The following CFAP47 variants were observed in gnomAD, a reference collection of about 807,000 sequenced individuals.
The protein encoded by CFAP47 is cilia and flagella associated protein 47.
A neutral mutation model predicts 148.1 loss-of-function variants in CFAP47; 29 were observed. The ratio of observed to expected loss-of-function variants is 0.20; its 90% CI spans 0.15 to 0.27. The LOEUF is 0.27. Among genes scored for constraint, CFAP47 ranks in the 10% least tolerant of loss-of-function variants. The probability of loss-of-function intolerance (pLI) is 1.00; values close to 1 mark genes in which losing one functional copy is unlikely to be tolerated. For synonymous variants in CFAP47, 664 were observed against 577.3 expected (o/e 1.15, Z -2.15); for missense variants, 1,872 against 1,697.5 (o/e 1.10, Z -1.81).
intron 30 of CFAP47, among the ~76,000 whole-genome samples, chrX:36,098,278 C>A (rs1009579481): frequency 1.8e-5 from 2 of 111,911 alleles, no homozygotes; most frequent in African/African-American, 6.5e-5. Flanking sequence ...TCTGAAAGGT[C>A]ATGTATCTCT....
At chrX:36,005,597 T>C (rs772654229) in intron 21 of CFAP47, among the ~76,000 whole-genome samples, 1 of 112,065 alleles carries the variant, frequency 8.9e-6, no homozygotes, top group East Asian at 2.8e-4. Flanking sequence ...ACACTCTATG[T>C]AGGTTATTTA....
At chrX:36,344,394 C>A (rs1371800181) in intron 57 of CFAP47, among the ~76,000 whole-genome samples, 7 of 109,640 alleles carry the variant, frequency 6.4e-5, no homozygotes, top group Non-Finnish European at 1.3e-4. Flanking sequence ...TCAGTGATTT[C>A]TTGGAAGTTA....
intron 61 of CFAP47, among the ~76,000 whole-genome samples, chrX:36,366,243 C>T (rs1941874756): frequency 8.9e-6 from 1 of 111,761 alleles, no homozygotes; most frequent in African/African-American, 3.2e-5. Context: ...CACACTGTTA[C>T]ATGTTTGAAT....
chrX:36,247,828 T>G (rs1373332202), intron 48 of CFAP47, among the ~76,000 whole-genome samples: 3 of 111,333 alleles, frequency 2.7e-5, no homozygotes, highest in African/African-American at 9.7e-5. Flanking sequence ...TATATATAAA[T>G]TGTCTAAACA....
chrX:35,958,450 T>C (rs960018232), intron 8 of CFAP47, among the ~76,000 whole-genome samples: 57 of 111,740 alleles, frequency 5.1e-4, no homozygotes, highest in African/African-American at 1.8e-3. Flanking sequence ...TAAGAAACTG[T>C]CATACTATTT....
At chrX:35,957,710 T>C (rs1936267179) in intron 8 of CFAP47, among the ~76,000 whole-genome samples, 1 of 112,163 alleles carries the variant, frequency 8.9e-6, no homozygotes, top group South Asian at 3.7e-4. Flanking sequence ...CTCCCCAATA[T>C]TATTTTTAAC....
intron 8 of CFAP47, among the ~76,000 whole-genome samples, chrX:35,960,387 A>G (rs1301879845): frequency 1.0e-5 from 1 of 97,835 alleles, no homozygotes; most frequent in African/African-American, 4.0e-5. Flanking sequence ...TCTGAAAAAA[A>G]AAAAAAAAAA....
intron 13 of CFAP47, among the ~76,000 whole-genome samples, chrX:35,974,456 T>C (rs923982210): frequency 3.6e-5 from 4 of 111,107 alleles, no homozygotes; most frequent in Non-Finnish European, 7.6e-5. Flanking sequence ...CAAAGGATGA[T>C]TGATTGGGCT....
intron 61 of CFAP47, among the ~76,000 whole-genome samples, chrX:36,364,929 TATATATATATATATAC>T (rs1941860907): frequency 1.5e-5 from 1 of 67,541 alleles, no homozygotes; most frequent in African/African-American, 9.8e-5. Context: ...TATATATATA[TATATATATATATATAC>T]ACACACACAC....
intron 3 of CFAP47, among the ~76,000 whole-genome samples, chrX:35,942,220 CTGTT>C (rs767453798): frequency 9.0e-6 from 1 of 111,643 alleles, no homozygotes; most frequent in South Asian, 3.7e-4. Context: ...CTATCTGAGA[CTGTT>C]TGTTGAATAT....
At chrX:36,256,515 T>C (rs1940754389) in intron 49 of CFAP47, among the ~76,000 whole-genome samples, 1 of 111,983 alleles carries the variant, frequency 8.9e-6, no homozygotes, top group African/African-American at 3.2e-5. Flanking sequence ...TCTTTAATAA[T>C]CTACATAGAC....
chrX:36,337,794 T>A (rs1893324762), intron 57 of CFAP47, among the ~76,000 whole-genome samples: 1 of 109,215 alleles, frequency 9.2e-6, no homozygotes, highest in African/African-American at 3.3e-5. Context: ...ACCAGTTTAC[T>A]GAATCCCATA....
At chrX:35,923,536 G>A (rs1935611081) in intron 1 of CFAP47, among the ~76,000 whole-genome samples, 2 of 110,985 alleles carry the variant, frequency 1.8e-5, no homozygotes, top group African/African-American at 6.6e-5. Context: ...ATATACATAT[G>A]AGGGCTGGGC....
intron 26 of CFAP47, among the ~76,000 whole-genome samples, chrX:36,060,832 C>G (rs1200700391): frequency 9.0e-6 from 1 of 111,649 alleles, no homozygotes; most frequent in Admixed American, 9.6e-5. Flanking sequence ...TTGCAATGCC[C>G]AGAAGAGCAG....
chrX:36,281,949 T>C (rs1285609229), intron 50 of CFAP47, among the ~76,000 whole-genome samples: 1 of 111,350 alleles, frequency 9.0e-6, no homozygotes, highest in African/African-American at 3.3e-5. Flanking sequence ...GAGACTAGCA[T>C]TGGATGACTG....
chrX:36,046,030 A>G (rs991139584), intron 25 of CFAP47, among the ~76,000 whole-genome samples: 2 of 111,633 alleles, frequency 1.8e-5, no homozygotes, highest in African/African-American at 3.2e-5. Flanking sequence ...ATTACTTTCC[A>G]TGTTTTTATT....
intron 46 of CFAP47, among the ~76,000 whole-genome samples, chrX:36,232,474 T>C (rs1326439500): frequency 7.1e-5 from 8 of 111,892 alleles, no homozygotes; most frequent in Non-Finnish European, 1.5e-4. Flanking sequence ...CTTTATCATT[T>C]TTTATTGCGT....
intron 33 of CFAP47, among the ~76,000 whole-genome samples, chrX:36,115,558 G>C (rs1454158425): frequency 9.0e-6 from 1 of 111,511 alleles, no homozygotes; most frequent in East Asian, 2.8e-4. Flanking sequence ...TCAAGCACTG[G>C]GACCTTCCAG....
chrX:36,179,390 G>A lies in CFAP47; in HGVS notation c.6072G>A (p.Lys2024=). ...CAACATTTGTCTCTTCGCCAACGAA[G>A]TTAACTGAATCCAGGCAATACCCGA... ...ESSTFVSSPT[K]LTESRQYPKH... is the part of the protein sequence containing the mutation. Residue 2024 remains lysine, a synonymous_variant, in exon 40 of 64, where the codon AAG becomes AAA. Coordinates refer to ENST00000378653, the MANE Select transcript of CFAP47 (RefSeq NM_001304548.2). 1 of 297,159 alleles carries A rather than the reference G, an allele frequency of 3.4e-6. No individual in the cohort carries two copies. Among genetic ancestry groups the A allele is most frequent in the Non-Finnish European group, 5.9e-6 (1 of 169,857 alleles). 24.5% of individuals were successfully genotyped at this position (297,159 alleles called of 1,213,427 possible). A position where few individuals can be genotyped will look rare whatever the true frequency, so the allele number is the denominator to read the frequency against.
Sources: gnomAD v4.1 joint callset for allele counts (sites outside exome capture counted in the v4.1 genomes callset) on GRCh38, gnomAD v4.1.1 for gene constraint, MANE v1.5 for transcripts, NCBI Gene and HGNC (gene_info 2026-07-23, HGNC 2026-07-21) for gene names.